Variants in TDP1 observed in about 807,000 individuals in gnomAD.
TDP1 encodes the protein tyr-DNA phosphodiesterase 1.
TDP1 carries 64 observed loss-of-function variants against 81.5 expected under a neutral mutation model. That is an observed-to-expected ratio of 0.79 (90% confidence interval 0.64 to 0.97). The LOEUF (loss-of-function observed/expected upper bound fraction) is 0.97. TDP1 is among the 50% of genes least tolerant of loss of function. The probability of loss-of-function intolerance (pLI) is 0.00; values close to 1 mark genes in which losing one functional copy is unlikely to be tolerated. For missense variants in TDP1, 723 were observed against 743.8 expected, an observed-to-expected ratio of 0.97 and a Z score of 0.33; for synonymous variants, 256 against 264.3, an observed-to-expected ratio of 0.97 and a Z score of 0.30.
At chr14:90,033,527 T>C (rs1042274475) in intron 16 of TDP1, 10 of 372,716 alleles carry the variant, frequency 2.7e-5, no homozygotes, top group Middle Eastern at 9.0e-4. Context: ...CTGAGCACCA[T>C]AGCTTAGTCT....
At chr14:89,983,445 C>A (rs1389523985) in intron 8 of TDP1, among the ~76,000 whole-genome samples, 1 of 152,214 alleles carries the variant, frequency 6.6e-6, no homozygotes, top group African/African-American at 2.4e-5. Flanking sequence ...CCTTGCAGTT[C>A]TGGATGCCTT....
chr14:89,975,584 T>G (rs1180572584), intron 6 of TDP1, 197 bp from the exon 7 acceptor site: 1,121 of 580,874 alleles, frequency 1.9e-3, no homozygotes, highest in African/African-American at 5.3e-3. Flanking sequence ...AATTTGTGTT[T>G]TTTTTTTTTT....
intron 4 of TDP1, chr14:89,967,165 C>T (rs753975115): frequency 1.7e-5 from 16 of 962,314 alleles, no homozygotes; most frequent in Non-Finnish European, 2.0e-5. Context: ...GTACTTGGCT[C>T]CATTTAGGTT....
chr14:90,020,563 C>CTTCCTTCCTTCCT (rs1191243873), intron 15 of TDP1, among the ~76,000 whole-genome samples: 1 of 18,304 alleles, frequency 5.5e-5, no homozygotes, highest in African/African-American at 4.9e-4. Context: ...CCTTCCCTCC[C>CTTCCTTCCTTCCT]TCCCTCCCTT....
intron 7 of TDP1, among the ~76,000 whole-genome samples, chr14:89,978,629 G>T (rs1348075610): frequency 1.3e-5 from 2 of 152,164 alleles, no homozygotes; most frequent in Non-Finnish European, 2.9e-5. Context: ...GATGAATATG[G>T]CTACTCTCAA....
intron 9 of TDP1, 29 bp downstream of exon 9, chr14:89,984,712 C>T (rs764417560): frequency 1.2e-6 from 2 of 1,611,392 alleles, no homozygotes; most frequent in African/African-American, 1.3e-5. Flanking sequence ...ATTTGGGGTG[C>T]TTATGATAGG....
rs566814391 is a variant in TDP1 at position 90,031,121 on chromosome 14, ATTATAC to A, written c.1645-1982_1645-1977del. Among the ~76,000 whole-genome samples, 548 of 151,752 alleles carry A rather than the reference ATTATAC, an allele frequency of 3.6e-3. 1 individual carries two copies. The highest frequency in any genetic ancestry group is 0.013 in the African/African-American group (524 of 41,334). On this transcript the variant is annotated intron_variant, in intron 15 of 16. Coordinates refer to ENST00000335725, the MANE Select transcript of TDP1 (RefSeq NM_018319.4). The stretch of plus-strand genomic sequence containing the variant: ...ACATTTTTTTTTAAATTTTATTATT[ATTATAC>A]TTTAAGTTTTAGGGTACATGTGCAC...
At chr14:90,031,846 G>A (rs1887320298) in intron 15 of TDP1, among the ~76,000 whole-genome samples, 1 of 152,158 alleles carries the variant, frequency 6.6e-6, no homozygotes, top group African/African-American at 2.4e-5. Flanking sequence ...TAAAGGTGTT[G>A]CTTTTTTAAG....
At chr14:89,962,693 T>C (rs1362817695) in intron 2 of TDP1, among the ~76,000 whole-genome samples, 5 of 150,644 alleles carry the variant, frequency 3.3e-5, no homozygotes, top group Non-Finnish European at 2.9e-5. Flanking sequence ...AATGAAACCC[T>C]GTCTCTACCA....
At chr14:89,984,746 G>A in intron 9 of TDP1, 63 bp downstream of exon 9, 2 of 1,605,160 alleles carry the variant, frequency 1.2e-6, no homozygotes, top group African/African-American at 1.3e-5. Context: ...AGCCTCATGA[G>A]GTCTGGCATG....
At chr14:89,966,607 C>T (rs953359693) in intron 4 of TDP1, among the ~76,000 whole-genome samples, 4 of 152,218 alleles carry the variant, frequency 2.6e-5, no homozygotes, top group African/African-American at 7.2e-5. Context: ...TGTTCAGTGG[C>T]TCCTTCCTGA....
At chr14:89,958,703 A>C (rs149049986) in intron 2 of TDP1, among the ~76,000 whole-genome samples, 3 of 152,186 alleles carry the variant, frequency 2.0e-5, no homozygotes, top group Admixed American at 6.5e-5. Context: ...GGGGTTATCA[A>C]TCCGGTCCGT....
intron 16 of TDP1, among the ~76,000 whole-genome samples, chr14:90,034,946 A>G (rs746935426): frequency 2.0e-5 from 3 of 151,940 alleles, no homozygotes; most frequent in Non-Finnish European, 4.4e-5. Context: ...TGTCGCACTA[A>G]CCTTCCCAGC....
intron 10 of TDP1, 70 bp downstream of exon 10, chr14:89,985,280 T>C (rs1895432547): frequency 1.2e-6 from 1 of 857,486 alleles, no homozygotes; most frequent in Non-Finnish European, 1.9e-6. Flanking sequence ...AAAATAATTA[T>C]ATATTTTGAT....
intron 14 of TDP1, among the ~76,000 whole-genome samples, chr14:90,012,182 T>C (rs555154904): frequency 1.3e-5 from 2 of 152,310 alleles, no homozygotes; most frequent in South Asian, 4.1e-4. Context: ...GGCCTGTAGG[T>C]ACACATAAGT....
chr14:89,955,465 C>A (rs1175169278), upstream of TDP1: 1 of 152,168 alleles, frequency 6.6e-6, no homozygotes, highest in African/African-American at 2.4e-5. Context: ...GCAACTGTTG[C>A]GAAGAAGGAA....
chr14:90,015,608 G>A (rs1885217113), intron 14 of TDP1, among the ~76,000 whole-genome samples: 1 of 152,214 alleles, frequency 6.6e-6, no homozygotes, highest in Admixed American at 6.5e-5. Flanking sequence ...TTCAATGTCA[G>A]TGTACCAGCA....
intron 5 of TDP1, chr14:89,970,920 C>T (rs1455954282): frequency 4.1e-6 from 1 of 241,922 alleles, no homozygotes; most frequent in Non-Finnish European, 6.7e-6. Flanking sequence ...CTCACTGCAA[C>T]CTTCACCTCC....
At chr14:90,025,595 TTTG>T (rs1886559264) in intron 15 of TDP1, among the ~76,000 whole-genome samples, 1 of 152,182 alleles carries the variant, frequency 6.6e-6, no homozygotes, top group South Asian at 2.1e-4. Context: ...CTAATAAAAG[TTTG>T]TTAATTTAAA....
Sources: gnomAD v4.1 joint callset for allele counts (sites outside exome capture counted in the v4.1 genomes callset) on GRCh38, gnomAD v4.1.1 for gene constraint, MANE v1.5 for transcripts, NCBI Gene and HGNC (gene_info 2026-07-23, HGNC 2026-07-21) for gene names.